Variants in SIGLEC15 observed in about 807,000 individuals in gnomAD.
SIGLEC15 encodes the protein sialic acid-binding Ig-like lectin 15.
A neutral mutation model predicts 26.2 loss-of-function variants in SIGLEC15; 31 were observed. The observed-to-expected ratio is 1.18, with a 90% CI of 0.89 to 1.60. The LOEUF is 1.60. Among genes scored for constraint, SIGLEC15 ranks in the 40% most tolerant of loss-of-function variants. The pLI is 0.00. For missense variants in SIGLEC15, 501 were observed against 488.4 expected, an observed-to-expected ratio of 1.03 and a Z score of -0.24; for synonymous variants, 207 against 221.9, an observed-to-expected ratio of 0.93 and a Z score of 0.60.
At chr18:45,830,068 T>C (rs967496828) in intron 1 of SIGLEC15, among the ~76,000 whole-genome samples, 1 of 152,066 alleles carries the variant, frequency 6.6e-6, no homozygotes, top group Non-Finnish European at 1.5e-5. Flanking sequence ...TGCTCCGCCA[T>C]GAAACCGACA....
intron 5 of SIGLEC15, 56 bp downstream of exon 5, chr18:45,840,297 CCCAGGGGGT>C: frequency 6.4e-7 from 1 of 1,557,354 alleles, no homozygotes; most frequent in East Asian, 2.3e-5. Context: ...GTCCTCATCA[CCCAGGGGGT>C]CCAGGCAGGA....
At position 45,837,522 on chromosome 18, in the gene SIGLEC15, C is replaced by A. The variant is rs1037493440; in HGVS notation, c.122C>A (p.Ala41Glu). Residue 41 changes from alanine (A) to glutamate (E), a missense_variant, in exon 3 of 6, where the codon GCG (alanine) becomes GAG (glutamate). Transcript: ENST00000389474. The part of the protein sequence containing the change: ...LLNTEVHSSP[A>E]QRWSMQVPPE... ...CCCGCCCCGCCCTCAGGCTCGCCAG[C>A]GCAGCGCTGGTCCATGCAGGTGCCA... is the stretch of plus-strand genomic sequence containing the variant. The A allele has an allele frequency of 1.3e-6, 2 of 1,510,740 alleles. No individual in the cohort carries two copies. The highest frequency in any genetic ancestry group is 1.4e-5 in the African/African-American group (1 of 70,214). The allele number at this position is 1,510,740 out of a possible 1,614,324, so 93.6% of individuals were successfully genotyped here. A position where few individuals can be genotyped will look rare whatever the true frequency, so the allele number is the denominator to read the frequency against.
At chr18:45,833,517 T>G (rs1045357843) in intron 1 of SIGLEC15, among the ~76,000 whole-genome samples, 1 of 152,112 alleles carries the variant, frequency 6.6e-6, no homozygotes, top group Non-Finnish European at 1.5e-5. Context: ...TTTACCATGT[T>G]AGCCAGGCTG....
chr18:45,840,537 T>C lies in SIGLEC15; in HGVS notation c.905+296T>C, dbSNP rs901886461. ...CAGGCAGATTCATACAAAAACCACA[T>C]TGGGGACACTCATCCCCGTTCCCCC... On this transcript the variant is annotated intron_variant, in intron 5 of 5. Coordinates refer to ENST00000389474, the MANE Select transcript of SIGLEC15 (RefSeq NM_213602.3). Among the ~76,000 whole-genome samples, 10 of 152,292 alleles carry C rather than the reference T, an allele frequency of 6.6e-5. 1 individual carries two copies. Among genetic ancestry groups the C allele is most frequent in the African/African-American group, 7.2e-5 (3 of 41,552 alleles).
chr18:45,831,465 A>G (rs1415191483), intron 1 of SIGLEC15, among the ~76,000 whole-genome samples: 1 of 152,242 alleles, frequency 6.6e-6, no homozygotes, highest in Non-Finnish European at 1.5e-5. Flanking sequence ...TAAGTGTGTT[A>G]GAATTGTGCA....
chr18:45,828,080 C>T (rs548217605), intron 1 of SIGLEC15, among the ~76,000 whole-genome samples: 1 of 152,342 alleles, frequency 6.6e-6, no homozygotes, highest in Admixed American at 6.5e-5. Context: ...CTGGGAGCCT[C>T]TCCTCATGGC....
Position 45,839,047 on chromosome 18 carries a change from C to T in SIGLEC15, c.826C>T (p.Leu276=), listed in dbSNP as rs2048302624. 6.5e-7 allele frequency: 1 copy of T among 1,537,724 alleles called. No homozygotes were observed. Among genetic ancestry groups the T allele is most frequent in the Non-Finnish European group, 8.7e-7 (1 of 1,152,198 alleles). ...LLLGALGFKA[L]LLLGVLAARA... ...GCTCGGCGCTCTCGGCTTCAAGGCG[C>T]TGCTGCTGCTCGGGGTCCTGGCCGC... The change falls in exon 4 of 6, where the codon CTG becomes TTG. Residue 276 remains leucine, a synonymous_variant. Coordinates refer to ENST00000389474, the MANE Select transcript of SIGLEC15 (RefSeq NM_213602.3).
At position 45,838,769 on chromosome 18, in the gene SIGLEC15, TC is replaced by T. The variant is rs1449817368; in HGVS notation, c.550del (p.Arg184AlafsTer38). 1 of 1,575,126 alleles carries T rather than the reference TC, an allele frequency of 6.3e-7. No homozygotes were observed. Among genetic ancestry groups the T allele is most frequent in the African/African-American group, 1.4e-5 (1 of 73,822 alleles). On this transcript the variant is annotated frameshift_variant, in exon 4 of 6. Transcript: ENST00000389474. LOFTEE classifies it high-confidence loss of function. ...ISVLPSPAHA[F>X]RALCTAEGEP... ...GTGCTGCCCAGTCCGGCTCACGCCT[TC>T]CGCGCGCTCTGCACTGCCGAAGGGG...
intron 1 of SIGLEC15, among the ~76,000 whole-genome samples, chr18:45,827,487 C>G (rs1195426441): frequency 6.6e-6 from 1 of 152,156 alleles, no homozygotes; most frequent in Non-Finnish European, 1.5e-5. Flanking sequence ...TGGCCAGACC[C>G]AAGTGGTCAA....
chr18:45,838,200 T>C (rs2048293024), intron 3 of SIGLEC15, among the ~76,000 whole-genome samples: 1 of 152,180 alleles, frequency 6.6e-6, no homozygotes, highest in South Asian at 2.1e-4. Flanking sequence ...GACAAGTGAA[T>C]GGCAATCCTA....
chr18:45,833,646 T>C (rs1455282589), intron 1 of SIGLEC15, among the ~76,000 whole-genome samples: 1 of 152,170 alleles, frequency 6.6e-6, no homozygotes, highest in Admixed American at 6.5e-5. Flanking sequence ...AGGATATCAT[T>C]GAGAATTATA....
At position 45,842,114 on chromosome 18, in the gene SIGLEC15, C is replaced by A. The variant is rs937450583; in HGVS notation, c.914C>A (p.Ala305Asp). Reference sequence around the variant, plus strand: ...CTTTCTCCTGTCCACAGGTCCCAGGCCCAGGAGTCCAATTATGAAAATTTG... The same window carrying A: ...CTTTCTCCTGTCCACAGGTCCCAGGACCAGGAGTCCAATTATGAAAATTTG... ...DTPDTPPRSQAQESNYENLSQ... is the reference protein window; with the variant it reads ...DTPDTPPRSQDQESNYENLSQ... Residue 305 changes from alanine (A) to aspartate (D), a missense_variant, in exon 6 of 6, where the codon GCC becomes GAC. Physicochemically the swap from Ala to Asp is moderately radical, Grantham distance 126 (BLOSUM62 -2). Transcript: ENST00000389474. 6.2e-7 allele frequency: 1 copy of A among 1,614,182 alleles called. No homozygotes were observed. The highest frequency in any genetic ancestry group is 1.7e-5 in the Admixed American group (1 of 60,030).
chr18:45,843,823 G>A lies in SIGLEC15; in HGVS notation c.*1636G>A, dbSNP rs1171119837. On this transcript the variant is annotated 3_prime_UTR_variant, in exon 6 of 6. Transcript: ENST00000389474. The stretch of plus-strand genomic sequence containing the variant: ...GAACCCAGGAGGCAGAGGTTGCAGT[G>A]AGCTGAGATCACCCCACTGTCCTCC... 6.6e-6 allele frequency: 1 copy of A among 152,198 alleles called. No individual in the cohort carries two copies. The highest frequency in any genetic ancestry group is 1.5e-5 in the Non-Finnish European group (1 of 68,070). 9.4% of individuals were successfully genotyped at this position (152,198 alleles called of 1,614,324 possible).
rs1340572201 is a variant in SIGLEC15, at chr18:45,840,237, C to G, written c.901C>G (p.Pro301Ala). Reference protein sequence around the residue: ...PEHLDTPDTPPRSQAQESNYE... With the variant: ...PEHLDTPDTPARSQAQESNYE... ...GCATCTGGACACCCCGGACACCCCA[C>G]CACGGTAAGTGAGCTCCCCGCCTCC... is the stretch of plus-strand genomic sequence containing the variant. Residue 301 changes from proline to alanine, a missense_variant, in exon 5 of 6, where the codon CCA becomes GCA. Transcript: ENST00000389474. 1.9e-6 allele frequency: 3 copies of G among 1,612,592 alleles called. No individual in the cohort carries two copies. The highest frequency in any genetic ancestry group is 2.5e-6 in the Non-Finnish European group (3 of 1,179,342).
intron 1 of SIGLEC15, 84 bp from the exon 2 acceptor site, chr18:45,836,945 C>T: frequency 2.5e-6 from 2 of 786,724 alleles, no homozygotes; most frequent in Non-Finnish European, 2.3e-6. Context: ...TGGCCTCATG[C>T]TGGCAGTGTG....
At position 45,842,997 on chromosome 18, in the gene SIGLEC15, CCA is replaced by C. The variant is rs1376601453; in HGVS notation, c.*814_*815del. On this transcript the variant is annotated 3_prime_UTR_variant, in exon 6 of 6. Coordinates refer to ENST00000389474, the MANE Select transcript of SIGLEC15 (RefSeq NM_213602.3). ...CCCTGGGATCTCCACTGTGACTGTC[CCA>C]CACCCTCTGCCCAACTCTTGCCCCA... 6.6e-6 allele frequency: 1 copy of C among 152,292 alleles called. No individual in the cohort carries two copies. The highest frequency in any genetic ancestry group is 1.5e-5 in the Non-Finnish European group (1 of 68,146). 9.4% of individuals were successfully genotyped at this position (152,292 alleles called of 1,614,324 possible).
chr18:45,830,252 G>C (rs144557109), intron 1 of SIGLEC15, among the ~76,000 whole-genome samples: 3 of 152,352 alleles, frequency 2.0e-5, no homozygotes, highest in Non-Finnish European at 4.4e-5. Flanking sequence ...TCCAATTGCA[G>C]CTTCTGCTGG....
chr18:45,829,326 G>A, intron 1 of SIGLEC15: 1 of 198,232 alleles, frequency 5.0e-6, no homozygotes, highest in Non-Finnish European at 9.1e-6. Context: ...GAACCTTCAG[G>A]GTCTGGTTTG....
chr18:45,835,302 C>G (rs1317574942), intron 1 of SIGLEC15, among the ~76,000 whole-genome samples: 1 of 152,128 alleles, frequency 6.6e-6, no homozygotes, highest in Non-Finnish European at 1.5e-5. Flanking sequence ...CAGAGATGGG[C>G]ATGTGCACTA....
Sources: allele counts gnomAD v4.1 joint callset (sites outside exome capture counted in the v4.1 genomes callset), GRCh38; gene constraint gnomAD v4.1.1; transcripts MANE v1.5; gene names NCBI Gene and HGNC (gene_info 2026-07-23, HGNC 2026-07-21).